Variants in FGGY observed in about 807,000 individuals in gnomAD.
FGGY encodes FGGY carbohydrate kinase domain containing, also known as FGGY carbohydrate kinase domain-containing protein.
FGGY carries 72 observed loss-of-function variants against 71.3 expected under a neutral mutation model. That is an observed-to-expected ratio of 1.01 (90% CI 0.84 to 1.23). The LOEUF is 1.23. FGGY is among the 50% of genes most tolerant of loss of function. The probability of loss-of-function intolerance (pLI) is 0.00; values close to 1 mark genes in which losing one functional copy is unlikely to be tolerated. For missense variants in FGGY, 668 were observed against 682.3 expected, an observed-to-expected ratio of 0.98 and a Z score of 0.23; for synonymous variants, 251 against 250.3, an observed-to-expected ratio of 1.00 and a Z score of -0.02.
intron 6 of FGGY, among the ~76,000 whole-genome samples, chr1:59,475,951 G>C (rs2093244909): frequency 6.6e-6 from 1 of 152,104 alleles, no homozygotes; most frequent in Non-Finnish European, 1.5e-5. Context: ...ATAACTCCTT[G>C]CCATGTTCAA....
chr1:59,458,238 G>A (rs1266227171), intron 6 of FGGY, among the ~76,000 whole-genome samples: 1 of 152,126 alleles, frequency 6.6e-6, no homozygotes, highest in African/African-American at 2.4e-5. Flanking sequence ...AGCTTTATTA[G>A]TGTATATATT....
chr1:59,637,598 A>G (rs1471518898), intron 10 of FGGY, among the ~76,000 whole-genome samples: 1 of 152,130 alleles, frequency 6.6e-6, no homozygotes. Context: ...CTGAAACTCC[A>G]TCTCAAAAAA....
chr1:59,417,779 A>T (rs1326318315), intron 5 of FGGY, among the ~76,000 whole-genome samples: 1 of 152,224 alleles, frequency 6.6e-6, no homozygotes, highest in African/African-American at 2.4e-5. Flanking sequence ...TCATATGCCC[A>T]TTATAAAATT....
intron 6 of FGGY, among the ~76,000 whole-genome samples, chr1:59,493,130 C>CACACACACACACACACAA (rs3220800): frequency 2.0e-5 from 3 of 150,276 alleles, no homozygotes; most frequent in Non-Finnish European, 4.4e-5. Flanking sequence ...CACACACACA[C>CACACACACACACACACAA]AAAACAGAAA....
At chr1:59,663,573 T>C (rs578027102) in intron 12 of FGGY, among the ~76,000 whole-genome samples, 2 of 152,318 alleles carry the variant, frequency 1.3e-5, no homozygotes, top group Non-Finnish European at 2.9e-5. Flanking sequence ...AAATCAATCT[T>C]GTATTTAATG....
rs74087460 is a variant in FGGY, at chr1:59,407,278, C to T, written c.554+28441C>T. Among the ~76,000 whole-genome samples the T allele has an allele frequency of 3.0e-3, 452 of 152,154 alleles. 1 individual carries two copies. The highest frequency in any genetic ancestry group is 0.011 in the African/African-American group (438 of 41,502). On this transcript the variant is annotated intron_variant, in intron 5 of 15. Transcript: ENST00000303721. ...CTGATCTCTGAGTTTCTTCCCTGTC[C>T]CCTGGGTAGAGCATCAGATTTAAAA...
At chr1:59,634,650 C>T (rs2096939400) in intron 10 of FGGY, among the ~76,000 whole-genome samples, 1 of 151,572 alleles carries the variant, frequency 6.6e-6, no homozygotes, top group Non-Finnish European at 1.5e-5. Context: ...TTTAAGATCA[C>T]AAGCAATAGG....
In FGGY at chr1:59,637,409, G is replaced by T. The variant is rs570115128; in HGVS notation, c.1074-819G>T. Among the ~76,000 whole-genome samples, 28 of 152,244 alleles carry T rather than the reference G, an allele frequency of 1.8e-4. 1 individual carries two copies. The highest frequency in any genetic ancestry group is 6.0e-4 in the African/African-American group (25 of 41,538). On this transcript the variant is annotated intron_variant, in intron 10 of 15. Transcript: ENST00000303721. ...GCACTTTGGGAGGCCGAGATGTGTG[G>T]ATCACCTGAGGTCAGGGGTTTGAGA...
At chr1:59,671,575 G>A (rs1436748584) in intron 13 of FGGY, among the ~76,000 whole-genome samples, 2 of 152,190 alleles carry the variant, frequency 1.3e-5, no homozygotes, top group Non-Finnish European at 2.9e-5. Flanking sequence ...AGAGGCAAAT[G>A]GAAGCAGTGG....
chr1:59,332,319 T>G (rs145264677), intron 2 of FGGY, among the ~76,000 whole-genome samples: 68 of 152,296 alleles, frequency 4.5e-4, no homozygotes, highest in African/African-American at 1.6e-3. Flanking sequence ...GCTAGGGAAA[T>G]TCTCTTGATT....
chr1:59,337,834 T>A (rs2049902440), intron 2 of FGGY, among the ~76,000 whole-genome samples: 1 of 152,224 alleles, frequency 6.6e-6, no homozygotes, highest in South Asian at 2.1e-4. Context: ...TCTTTTCTAA[T>A]CTGTATGCTT....
intron 12 of FGGY, among the ~76,000 whole-genome samples, chr1:59,665,108 T>C (rs2097311627): frequency 6.6e-6 from 1 of 152,232 alleles, no homozygotes; most frequent in Admixed American, 6.5e-5. Flanking sequence ...CATCAAATGA[T>C]CCATGATGGA....
intron 14 of FGGY, among the ~76,000 whole-genome samples, chr1:59,682,083 C>G (rs574326362): frequency 4.7e-4 from 71 of 152,118 alleles, no homozygotes; most frequent in Middle Eastern, 3.4e-3. Context: ...AAAAGTTACA[C>G]CATATGAAAA....
chr1:59,448,422 G>A (rs2071827137), intron 5 of FGGY, among the ~76,000 whole-genome samples: 1 of 152,104 alleles, frequency 6.6e-6, no homozygotes, highest in South Asian at 2.1e-4. Flanking sequence ...AACCAGGAGA[G>A]CATTGTTGGA....
chr1:59,499,846 C>T (rs753968870), intron 6 of FGGY, among the ~76,000 whole-genome samples: 1 of 152,158 alleles, frequency 6.6e-6, no homozygotes, highest in Admixed American at 6.5e-5. Context: ...GTGAGTCATG[C>T]ATAGCAGCTT....
chr1:59,512,472 C>T (rs759109063), intron 7 of FGGY, 33 bp downstream of exon 7: 40 of 1,603,150 alleles, frequency 2.5e-5, no homozygotes, highest in South Asian at 5.6e-5. Context: ...CAGCCAAAAC[C>T]GTATTCAAAT....
intron 5 of FGGY, among the ~76,000 whole-genome samples, chr1:59,434,453 A>C (rs1282256799): frequency 6.6e-6 from 1 of 152,240 alleles, no homozygotes; most frequent in South Asian, 2.1e-4. Context: ...GGACACACTT[A>C]ACACTCTGGC....
Position 59,355,398 on chromosome 1 carries a change from A to G in FGGY, c.465+9000A>G, listed in dbSNP as rs192561381. ...AAGACTGGCCATATACACACAAGAA[A>G]ACATTAATACTGGTACACTGTTCAT... On this transcript the variant is annotated intron_variant, in intron 4 of 15. Coordinates refer to ENST00000303721, the MANE Select transcript of FGGY (RefSeq NM_018291.5). 3.7e-3 allele frequency among the ~76,000 whole-genome samples: 569 copies of G among 152,322 alleles called. 8 individuals are homozygous for G. Among genetic ancestry groups the G allele is most frequent in the Non-Finnish European group, 3.1e-3 (209 of 68,018 alleles).
chr1:59,402,986 T>A (rs1465537081), intron 5 of FGGY, among the ~76,000 whole-genome samples: 1 of 152,100 alleles, frequency 6.6e-6, no homozygotes, highest in Non-Finnish European at 1.5e-5. Flanking sequence ...ATTGCTAGGA[T>A]ACAGATTGCA....
Sources: gnomAD v4.1 joint callset for allele counts (sites outside exome capture counted in the v4.1 genomes callset) on GRCh38, gnomAD v4.1.1 for gene constraint, MANE v1.5 for transcripts, NCBI Gene and HGNC (gene_info 2026-07-23, HGNC 2026-07-21) for gene names.